Variants in PDSS2 observed in about 807,000 individuals in gnomAD.
PDSS2 encodes decaprenyl diphosphate synthase subunit 2.
Under a neutral mutation model 44.5 loss-of-function variants are expected in PDSS2, and 31 were observed. That is an observed-to-expected ratio of 0.70 (90% CI 0.52 to 0.94). The LOEUF is 0.94. Among genes scored for constraint, PDSS2 ranks in the 40% least tolerant of loss-of-function variants. PDSS2 has a pLI of 0.00. For missense variants in PDSS2, 452 were observed against 482.2 expected (o/e 0.94, Z 0.59); for synonymous variants, 157 against 180.3 (o/e 0.87, Z 1.03).
intron 3 of PDSS2, 45 bp from the exon 4 acceptor site, chr6:107,245,664 T>C: frequency 1.7e-6 from 2 of 1,167,846 alleles, no homozygotes; most frequent in Non-Finnish European, 2.5e-6. Flanking sequence ...TTTAAATATA[T>C]CTCTATTGTT....
intron 3 of PDSS2, among the ~76,000 whole-genome samples, chr6:107,257,345 C>T (rs1047860100): frequency 2.0e-5 from 3 of 151,824 alleles, no homozygotes; most frequent in South Asian, 2.1e-4. Context: ...TGAGACCAGC[C>T]TGGGCACCAT....
At chr6:107,400,142 T>C (rs924155924) in intron 1 of PDSS2, among the ~76,000 whole-genome samples, 6 of 152,122 alleles carry the variant, frequency 3.9e-5, no homozygotes, top group Non-Finnish European at 7.4e-5. Flanking sequence ...TCTGACCCTA[T>C]CAAGTGCTGA....
intron 1 of PDSS2, among the ~76,000 whole-genome samples, chr6:107,350,696 A>G (rs1024916598): frequency 1.3e-5 from 2 of 152,106 alleles, no homozygotes; most frequent in African/African-American, 4.8e-5. Flanking sequence ...TGTCATCCCA[A>G]CTACTAGGGA....
chr6:107,359,007 CTTTTTTT>C (rs59632305), intron 1 of PDSS2, among the ~76,000 whole-genome samples: 1 of 93,056 alleles, frequency 1.1e-5, no homozygotes, highest in African/African-American at 4.2e-5. Flanking sequence ...CATTCTCGCT[CTTTTTTT>C]TTTTTTTTTT....
At chr6:107,264,319 C>T (rs899266806) in intron 3 of PDSS2, 4 of 1,441,516 alleles carry the variant, frequency 2.8e-6, no homozygotes, top group Non-Finnish European at 3.7e-6. Flanking sequence ...ACAAAGTTAA[C>T]ATAAGGAAAT....
chr6:107,210,228 A>T (rs1312486548), intron 6 of PDSS2, among the ~76,000 whole-genome samples: 1 of 152,226 alleles, frequency 6.6e-6, no homozygotes, highest in Non-Finnish European at 1.5e-5. Flanking sequence ...GTATTCTAAG[A>T]ACTCAGATAA....
chr6:107,211,555 C>T (rs539538090), intron 5 of PDSS2, among the ~76,000 whole-genome samples: 2 of 151,516 alleles, frequency 1.3e-5, no homozygotes, highest in East Asian at 3.9e-4. Context: ...CATGGTGAAA[C>T]CTCGTCTCTA....
intron 1 of PDSS2, among the ~76,000 whole-genome samples, chr6:107,400,997 TAGCCC>T (rs1562514679): frequency 6.6e-6 from 1 of 152,172 alleles, no homozygotes. Flanking sequence ...AACTAATCCA[TAGCCC>T]AGCCCGTTGC....
At chr6:107,384,466 C>T (rs1162023864) in intron 1 of PDSS2, among the ~76,000 whole-genome samples, 4 of 152,140 alleles carry the variant, frequency 2.6e-5, no homozygotes, top group African/African-American at 4.8e-5. Flanking sequence ...CATGGTGAAA[C>T]CCTGTTTCTA....
chr6:107,371,823 G>A (rs182148708), intron 1 of PDSS2, among the ~76,000 whole-genome samples: 1 of 152,140 alleles, frequency 6.6e-6, no homozygotes, highest in Non-Finnish European at 1.5e-5. Context: ...GAAGGGAAAA[G>A]GCCTAATAGC....
chr6:107,175,523 T>C (rs1178149902), intron 7 of PDSS2, among the ~76,000 whole-genome samples: 5 of 152,182 alleles, frequency 3.3e-5, no homozygotes, highest in Admixed American at 2.6e-4. Context: ...TGCATGCCTA[T>C]GTACAAGGAC....
chr6:107,162,679 C>T (rs1771191293), intron 7 of PDSS2, among the ~76,000 whole-genome samples: 1 of 141,446 alleles, frequency 7.1e-6, no homozygotes, highest in South Asian at 2.2e-4. Flanking sequence ...GCAATCTCAG[C>T]TCTGCACCTC....
intron 3 of PDSS2, among the ~76,000 whole-genome samples, chr6:107,251,667 G>A (rs548999310): frequency 1.0e-3 from 156 of 152,268 alleles, no homozygotes; most frequent in South Asian, 2.1e-3. Context: ...ACAAAAGATG[G>A]ATTTAGTCTC....
Position 107,322,387 on chromosome 6 carries a change from C to T in PDSS2, c.431+11811G>A, listed in dbSNP as rs568833419. ...ACAAAAAAATAGCCGGGCATGAAGGCGCACACCTGTAATCCCAGTTACTTG... is the reference window on the plus strand; with the variant it reads ...ACAAAAAAATAGCCGGGCATGAAGGTGCACACCTGTAATCCCAGTTACTTG... On this transcript the variant is annotated intron_variant, in intron 2 of 7. Coordinates refer to ENST00000369037, the MANE Select transcript of PDSS2 (RefSeq NM_020381.4). Among the ~76,000 whole-genome samples, 19 of 152,130 alleles carry T rather than the reference C, an allele frequency of 1.2e-4. No homozygotes were observed. The South Asian group carries it at 3.9e-3, about 32-fold the overall frequency.
At chr6:107,455,906 C>T (rs1004216323) in intron 1 of PDSS2, among the ~76,000 whole-genome samples, 49 of 151,916 alleles carry the variant, frequency 3.2e-4, no homozygotes, top group African/African-American at 1.1e-3. Context: ...AACATGTGCA[C>T]ATCCAACAAT....
intron 1 of PDSS2, among the ~76,000 whole-genome samples, chr6:107,367,439 T>G (rs1056424211): frequency 6.6e-6 from 1 of 152,006 alleles, no homozygotes; most frequent in Non-Finnish European, 1.5e-5. Context: ...GGGAACAAGG[T>G]AAGGATGTCA....
intron 2 of PDSS2, among the ~76,000 whole-genome samples, chr6:107,326,427 T>C (rs1777548676): frequency 6.6e-6 from 1 of 152,026 alleles, no homozygotes; most frequent in Admixed American, 6.5e-5. Context: ...CTGAACTATG[T>C]TTAAAAGCAC....
intron 1 of PDSS2, among the ~76,000 whole-genome samples, chr6:107,430,170 C>CT (rs1405710541): frequency 6.6e-6 from 1 of 151,902 alleles, no homozygotes; most frequent in East Asian, 1.9e-4. Flanking sequence ...ATTTTGCACT[C>CT]TTTTTTTGTA....
chr6:107,216,099 T>C (rs571572506), intron 4 of PDSS2, among the ~76,000 whole-genome samples: 58 of 151,696 alleles, frequency 3.8e-4, no homozygotes, highest in Non-Finnish European at 7.8e-4. Context: ...ATTTTGCCAC[T>C]GCACTCCAGC....
Sources: allele counts gnomAD v4.1 joint callset (sites outside exome capture counted in the v4.1 genomes callset), GRCh38; gene constraint gnomAD v4.1.1; transcripts MANE v1.5; gene names NCBI Gene and HGNC (gene_info 2026-07-23, HGNC 2026-07-21).